The following DLGAP2 variants were observed in gnomAD, a reference collection of about 807,000 sequenced individuals.
The protein encoded by DLGAP2 is disks large-associated protein 2.
A neutral mutation model predicts 100.3 loss-of-function variants in DLGAP2; 26 were observed. That is an observed-to-expected ratio of 0.26 (90% CI 0.19 to 0.36). DLGAP2 has a LOEUF of 0.36. DLGAP2 is among the 10% of genes least tolerant of loss of function. DLGAP2 has a pLI of 1.00. For missense variants in DLGAP2, 1,858 were observed against 1,453.2 expected (o/e 1.28, Z -4.53); for synonymous variants, 886 against 630.1 (o/e 1.41, Z -6.08).
At chr8:1,525,673 C>T (rs1009971598) in intron 4 of DLGAP2, among the ~76,000 whole-genome samples, 2 of 152,240 alleles carry the variant, frequency 1.3e-5, no homozygotes, top group South Asian at 4.1e-4. Flanking sequence ...GAGGTTCTTC[C>T]TGATCTCACC....
intron 3 of DLGAP2, among the ~76,000 whole-genome samples, chr8:1,282,758 A>G (rs1799842259): frequency 8.2e-6 from 1 of 121,834 alleles, no homozygotes; most frequent in Admixed American, 8.7e-5. Flanking sequence ...ACCTGAATCC[A>G]GCCCCCTGAA....
chr8:961,761 A>T (rs1197475450), intron 2 of DLGAP2, among the ~76,000 whole-genome samples: 1 of 152,262 alleles, frequency 6.6e-6, no homozygotes, highest in Non-Finnish European at 1.5e-5. Flanking sequence ...ACATTCTGAC[A>T]TTGTTAAAGT....
At chr8:1,126,562 G>A (rs566566058) in intron 2 of DLGAP2, among the ~76,000 whole-genome samples, 32 of 152,106 alleles carry the variant, frequency 2.1e-4, no homozygotes, top group African/African-American at 7.2e-4. Context: ...CTGGTGGTGA[G>A]ATCAGAGGCT....
chr8:1,483,768 C>CGTGGGG (rs1563176116), intron 3 of DLGAP2, among the ~76,000 whole-genome samples: 24 of 80,040 alleles, frequency 3.0e-4, no homozygotes, highest in African/African-American at 9.9e-4. Context: ...ATGTGCAGGA[C>CGTGGGG]ATGGGGACCA....
intron 1 of DLGAP2, among the ~76,000 whole-genome samples, chr8:851,410 A>G (rs896436339): frequency 2.0e-5 from 3 of 152,218 alleles, no homozygotes; most frequent in African/African-American, 7.2e-5. Flanking sequence ...AGCGACATGT[A>G]AGCTCATCGC....
chr8:1,197,829 C>T (rs544460600), intron 2 of DLGAP2, among the ~76,000 whole-genome samples: 5 of 152,332 alleles, frequency 3.3e-5, no homozygotes, highest in Admixed American at 1.3e-4. Flanking sequence ...TGCAGCGTTC[C>T]CTCCCATGGG....
chr8:1,375,111 TA>T (rs1290164479), intron 3 of DLGAP2, among the ~76,000 whole-genome samples: 31 of 145,910 alleles, frequency 2.1e-4, no homozygotes, highest in African/African-American at 6.3e-4. Context: ...CCCCACCTCC[TA>T]CATTTGGGTT....
chr8:1,293,231 T>G (rs1158947045), intron 3 of DLGAP2, among the ~76,000 whole-genome samples: 7 of 152,158 alleles, frequency 4.6e-5, no homozygotes, highest in Admixed American at 4.6e-4. Context: ...CACACACACA[T>G]GGGCCCACAT....
intron 3 of DLGAP2, among the ~76,000 whole-genome samples, chr8:1,321,276 G>A (rs557194223): frequency 9.2e-5 from 14 of 151,678 alleles, no homozygotes; most frequent in African/African-American, 2.4e-4. Context: ...GTGCGTGTGC[G>A]TGCATCTGTG....
intron 3 of DLGAP2, among the ~76,000 whole-genome samples, chr8:1,342,517 G>A (rs904640910): frequency 8.8e-4 from 1 of 1,142 alleles, no homozygotes; most frequent in East Asian, 0.026. Context: ...GTTTGGGTTT[G>A]TGGGCCGTGC....
intron 1 of DLGAP2, among the ~76,000 whole-genome samples, chr8:854,249 T>G (rs1477030223): frequency 1.3e-5 from 2 of 151,114 alleles, no homozygotes; most frequent in Non-Finnish European, 3.0e-5. Flanking sequence ...CATTGCGGGG[T>G]TAGTGGGGCT....
At chr8:1,666,554 G>T (rs112098504) in intron 8 of DLGAP2, among the ~76,000 whole-genome samples, 3 of 151,842 alleles carry the variant, frequency 2.0e-5, no homozygotes, top group Admixed American at 1.3e-4. Context: ...GGTGGCAAGC[G>T]CTGTAATCCC....
chr8:1,449,618 G>A (rs1020558905), intron 3 of DLGAP2, among the ~76,000 whole-genome samples: 1 of 152,172 alleles, frequency 6.6e-6, no homozygotes, highest in Non-Finnish European at 1.5e-5. Context: ...CATTCTGAAC[G>A]GGCAATGCTG....
chr8:1,246,173 G>T (rs1798897423), intron 2 of DLGAP2, among the ~76,000 whole-genome samples: 1 of 152,072 alleles, frequency 6.6e-6, no homozygotes, highest in South Asian at 2.1e-4. Context: ...CATAGCCCTT[G>T]GTCAAATTAA....
chr8:967,365 C>G (rs1217601207), intron 2 of DLGAP2, among the ~76,000 whole-genome samples: 1 of 152,196 alleles, frequency 6.6e-6, no homozygotes, highest in African/African-American at 2.4e-5. Context: ...TTCTGTGCCG[C>G]TTAGGCTTTG....
intron 13 of DLGAP2, among the ~76,000 whole-genome samples, chr8:1,695,574 G>A: frequency 6.9e-6 from 1 of 145,032 alleles, no homozygotes; most frequent in African/African-American, 2.7e-5. Context: ...CGGCCCTACA[G>A]AAAGAGGGGG....
intron 6 of DLGAP2, among the ~76,000 whole-genome samples, chr8:1,595,609 G>C (rs1200095491): frequency 6.7e-6 from 1 of 149,688 alleles, no homozygotes; most frequent in East Asian, 2.0e-4. Flanking sequence ...GGAGCTTGCA[G>C]TGAGCCGAGA....
intron 2 of DLGAP2, among the ~76,000 whole-genome samples, chr8:1,041,951 C>A (rs527476645): frequency 6.6e-6 from 1 of 152,214 alleles, no homozygotes; most frequent in Admixed American, 6.5e-5. Context: ...TCTTTCTCCC[C>A]GGCTGTTTCA....
At chr8:767,392 C>T (rs546535605) in intron 1 of DLGAP2, among the ~76,000 whole-genome samples, 2 of 149,680 alleles carry the variant, frequency 1.3e-5, no homozygotes, top group African/African-American at 4.9e-5. Flanking sequence ...GGTCTGTCGC[C>T]CATTCTGGAG....
Sources: allele counts gnomAD v4.1 joint callset (sites outside exome capture counted in the v4.1 genomes callset), GRCh38; gene constraint gnomAD v4.1.1; transcripts MANE v1.5; gene names NCBI Gene and HGNC (gene_info 2026-07-23, HGNC 2026-07-21).